Variants in MAGI3 observed in about 807,000 individuals in gnomAD.
The protein encoded by MAGI3 is membrane-associated guanylate kinase, WW and PDZ domain-containing protein 3.
MAGI3 carries 43 observed loss-of-function variants against 121.8 expected under a neutral mutation model. The observed-to-expected ratio is 0.35, with a 90% CI of 0.28 to 0.46. The LOEUF is 0.46. MAGI3 is among the 20% of genes least tolerant of loss of function. The pLI is 1.00. For synonymous variants in MAGI3, 553 were observed against 639.3 expected, an observed-to-expected ratio of 0.86 and a Z score of 2.04; for missense variants, 1,547 against 1,797.3, an observed-to-expected ratio of 0.86 and a Z score of 2.52.
At position 113,658,169 on chromosome 1, in the gene MAGI3, A is replaced by C. The variant is rs1319782402; in HGVS notation, c.2630-911A>C. Among the ~76,000 whole-genome samples, 1 of 152,270 alleles carries C rather than the reference A, an allele frequency of 6.6e-6. No individual in the cohort carries two copies. Among genetic ancestry groups the C allele is most frequent in the African/African-American group, 2.4e-5 (1 of 41,472 alleles). ...AGGCTAGGAAATTCTCAGAGAACAT[A>C]GAAGGAACATTTGTTTCCTAATACA... On this transcript the variant is annotated intron_variant, in intron 15 of 20. Coordinates refer to ENST00000307546, the MANE Select transcript of MAGI3 (RefSeq NM_001142782.2). This position sits in a 1 kb window ranked among gnomAD's most constrained non-coding sequence, Gnocchi z 4.0.
At chr1:113,493,039 A>C (rs558126375) in intron 1 of MAGI3, among the ~76,000 whole-genome samples, 1 of 152,338 alleles carries the variant, frequency 6.6e-6, no homozygotes, top group African/African-American at 2.4e-5. Context: ...AGAAAAAACT[A>C]TTTTAAAATT....
intron 1 of MAGI3, among the ~76,000 whole-genome samples, chr1:113,441,226 G>A (rs569336392): frequency 5.3e-5 from 8 of 152,188 alleles, no homozygotes; most frequent in Admixed American, 4.6e-4. Context: ...ACCAGACTCA[G>A]TGAAAACAAA....
At chr1:113,515,601 C>T (rs1290489728) in intron 1 of MAGI3, among the ~76,000 whole-genome samples, 1 of 152,054 alleles carries the variant, frequency 6.6e-6, no homozygotes, top group Admixed American at 6.6e-5. Context: ...AGATAAGGAA[C>T]ATTGGGTTCA....
At position 113,391,426 on chromosome 1, in the gene MAGI3, C is replaced by T. The variant is rs1378985841; in HGVS notation, c.316+77C>T. 7 of 1,446,372 alleles carry T rather than the reference C, an allele frequency of 4.8e-6. No homozygotes were observed. The highest frequency in any genetic ancestry group is 5.7e-6 in the Non-Finnish European group (6 of 1,057,636). The allele number at this position is 1,446,372 out of a possible 1,614,324, so 89.6% of individuals were successfully genotyped here. A position where few individuals can be genotyped will look rare whatever the true frequency, so the allele number is the denominator to read the frequency against. On this transcript the variant is annotated intron_variant, in intron 1 of 20. Coordinates refer to ENST00000307546, the MANE Select transcript of MAGI3 (RefSeq NM_001142782.2). This position sits in a 1 kb window ranked among gnomAD's most constrained non-coding sequence, Gnocchi z 4.4. ...GGTGGGCGTCCTGGGAGCGGCGGCACCTCCCCACCGCGTATTGTCCCGGGT... is the reference window on the plus strand; with the variant it reads ...GGTGGGCGTCCTGGGAGCGGCGGCATCTCCCCACCGCGTATTGTCCCGGGT...
chr1:113,573,916 T>C (rs1462964261), intron 2 of MAGI3, among the ~76,000 whole-genome samples: 1 of 152,234 alleles, frequency 6.6e-6, no homozygotes, highest in Non-Finnish European at 1.5e-5. Flanking sequence ...TTAGCTCTTG[T>C]TGCATGGATC....
intron 1 of MAGI3, among the ~76,000 whole-genome samples, chr1:113,526,974 C>A (rs1435679125): frequency 6.6e-6 from 1 of 152,080 alleles, no homozygotes; most frequent in South Asian, 2.1e-4. Flanking sequence ...GCCTCATTCT[C>A]CCCATCTGTA....
chr1:113,422,709 A>G lies in MAGI3; in HGVS notation c.316+31360A>G, dbSNP rs1438445048. Among the ~76,000 whole-genome samples, 1 of 152,206 alleles carries G rather than the reference A, an allele frequency of 6.6e-6. No individual in the cohort carries two copies. Among genetic ancestry groups the G allele is most frequent in the Non-Finnish European group, 1.5e-5 (1 of 68,042 alleles). On this transcript the variant is annotated intron_variant, in intron 1 of 20. Coordinates refer to ENST00000307546, the MANE Select transcript of MAGI3 (RefSeq NM_001142782.2). The surrounding 1 kb of genome is among the most constrained non-coding windows in gnomAD (Gnocchi z 4.3). ...ATAAGGGAACGTGGTGGCGCCTGAA[A>G]GCTGAGAGATACCAGGAACAGCAGA...
At chr1:113,657,159 A>G (rs928501271) in intron 15 of MAGI3, among the ~76,000 whole-genome samples, 1 of 152,216 alleles carries the variant, frequency 6.6e-6, no homozygotes, top group Non-Finnish European at 1.5e-5. Context: ...ATGAAGATGG[A>G]TAAGTTGGCT....
Position 113,438,424 on chromosome 1 carries a change from A to G in MAGI3, c.316+47075A>G, listed in dbSNP as rs145633602. 7.1e-3 allele frequency among the ~76,000 whole-genome samples: 1,084 copies of G among 152,310 alleles called. 16 individuals are homozygous for G. Among genetic ancestry groups the G allele is most frequent in the Non-Finnish European group, 0.012 (828 of 68,026 alleles). On this transcript the variant is annotated intron_variant, in intron 1 of 20. Transcript: ENST00000307546. The stretch of plus-strand genomic sequence containing the variant: ...TTTCCATCTTAACTAAGCACTTATC[A>G]CATACTATGGCTGTAACTTTTGCAG...
chr1:113,615,452 T>C (rs1208162082), intron 7 of MAGI3, among the ~76,000 whole-genome samples: 1 of 152,166 alleles, frequency 6.6e-6, no homozygotes, highest in Non-Finnish European at 1.5e-5. Flanking sequence ...AAAATGTTAT[T>C]ATTACCTGAA....
intron 11 of MAGI3, among the ~76,000 whole-genome samples, chr1:113,646,038 A>G (rs1652813364): frequency 6.6e-6 from 1 of 152,178 alleles, no homozygotes. Context: ...TTTCTTAGAA[A>G]GAGTATTATC....
chr1:113,580,264 G>A (rs1647925630), intron 2 of MAGI3, among the ~76,000 whole-genome samples: 3 of 151,966 alleles, frequency 2.0e-5, no homozygotes, highest in Admixed American at 6.6e-5. Context: ...CATGACTCTA[G>A]TAAGTAGAAT....
chr1:113,530,685 C>T (rs1037731396), intron 1 of MAGI3, among the ~76,000 whole-genome samples: 4 of 151,996 alleles, frequency 2.6e-5, no homozygotes, highest in Non-Finnish European at 5.9e-5. Context: ...CTTTCGGAGG[C>T]TGAGGCAGGA....
rs36011283 is a variant in MAGI3 at position 113,616,885 on chromosome 1, C to CTT, written c.1076+2244_1076+2245dup. Among the ~76,000 whole-genome samples, 481 of 134,094 alleles carry CTT rather than the reference C, an allele frequency of 3.6e-3. 6 individuals are homozygous for CTT. Among genetic ancestry groups the CTT allele is most frequent in the East Asian group, 0.02 (93 of 4,602 alleles). The allele number at this position is 134,094 out of a possible 152,430, so 88.0% of individuals were successfully genotyped here. On this transcript the variant is annotated intron_variant, in intron 7 of 20. Transcript: ENST00000307546. ...TATATACTTGCTTTCACAACTAAAA[C>CTT]TTTTTTTTTTTTTTTTTTGAGACGG...
intron 1 of MAGI3, among the ~76,000 whole-genome samples, chr1:113,406,864 G>A (rs914291030): frequency 9.2e-5 from 14 of 152,152 alleles, no homozygotes; most frequent in African/African-American, 3.4e-4. Context: ...AGATTGGGTG[G>A]CCAGGGAAAG....
At chr1:113,671,272 T>C (rs1278835938) in intron 16 of MAGI3, among the ~76,000 whole-genome samples, 3 of 152,174 alleles carry the variant, frequency 2.0e-5, no homozygotes, top group Admixed American at 6.5e-5. Context: ...GCTCCTATAT[T>C]GAAGATGCAG....
intron 2 of MAGI3, among the ~76,000 whole-genome samples, chr1:113,573,161 G>A (rs1280990435): frequency 2.6e-5 from 4 of 152,108 alleles, no homozygotes; most frequent in African/African-American, 7.2e-5. Context: ...TCCTGACCTC[G>A]TGATCTGCCT....
chr1:113,602,244 A>C lies in MAGI3; in HGVS notation c.1018+7684A>C, dbSNP rs79487171. 4.7e-3 allele frequency among the ~76,000 whole-genome samples: 722 copies of C among 152,210 alleles called. 3 individuals are homozygous for C. The highest frequency in any genetic ancestry group is 8.6e-3 in the Non-Finnish European group (582 of 68,004). ...TAATAATAATAAAATTATAAAAAAA[A>C]CTCAAAATCATATGAGGTATCTTCT... On this transcript the variant is annotated intron_variant, in intron 6 of 20. Transcript: ENST00000307546.
At chr1:113,589,509 A>C (rs996370849) in intron 4 of MAGI3, among the ~76,000 whole-genome samples, 8 of 152,082 alleles carry the variant, frequency 5.3e-5, no homozygotes, top group African/African-American at 1.7e-4. Flanking sequence ...TTACAAGGGA[A>C]TAATTATAGT....
Sources: gnomAD v4.1 joint callset for allele counts (sites outside exome capture counted in the v4.1 genomes callset) on GRCh38, gnomAD v4.1.1 for gene constraint, Gnocchi (gnomAD v3.1) non-coding constraint, MANE v1.5 for transcripts, NCBI Gene and HGNC (gene_info 2026-07-23, HGNC 2026-07-21) for gene names.